Variants in ACOT8 observed in about 807,000 individuals in gnomAD.
The protein encoded by ACOT8 is acyl-CoA thioesterase 8, also known as acyl-coenzyme A thioesterase 8.
In ACOT8, 31 loss-of-function variants were observed where a neutral mutation model predicts 38.4. That is an observed-to-expected ratio of 0.81 (90% CI 0.61 to 1.09). The LOEUF is 1.09. Among genes scored for constraint, ACOT8 ranks in the 50% least tolerant of loss-of-function variants. ACOT8 has a pLI of 0.00. For synonymous variants in ACOT8, 158 were observed against 170.3 expected, an observed-to-expected ratio of 0.93 and a Z score of 0.56; for missense variants, 373 against 421.8, an observed-to-expected ratio of 0.88 and a Z score of 1.01.
At chr20:45,853,966 A>T in intron 2 of ACOT8, 1 of 1,304,432 alleles carries the variant, frequency 7.7e-7, no homozygotes, top group East Asian at 5.5e-5. Flanking sequence ...TCTACGCAGA[A>T]CACATGAGGG....
At chr20:45,844,037 G>T in intron 4 of ACOT8, 1 of 785,900 alleles carries the variant, frequency 1.3e-6, no homozygotes, top group Non-Finnish European at 2.1e-6. Flanking sequence ...CCAGCGAGGT[G>T]CCTTTTGCCT....
intron 1 of ACOT8, among the ~76,000 whole-genome samples, chr20:45,856,201 T>A (rs1033733492): frequency 2.0e-5 from 3 of 152,142 alleles, no homozygotes; most frequent in African/African-American, 7.2e-5. Flanking sequence ...GAGGTCGAGG[T>A]TGCAGTGAGC....
intron 3 of ACOT8, among the ~76,000 whole-genome samples, chr20:45,846,441 C>T (rs1984689956): frequency 6.6e-6 from 1 of 152,132 alleles, no homozygotes; most frequent in Non-Finnish European, 1.5e-5. Flanking sequence ...TGAGTACTGG[C>T]TCAGAGTGGG....
rs753668905 is a variant in ACOT8 at position 45,841,825 on chromosome 20, C to T, written c.*13G>A. 5.0e-6 allele frequency: 8 copies of T among 1,591,826 alleles called. No individual in the cohort carries two copies. In the South Asian group the frequency reaches 9.0e-5, roughly 18 times the overall value. On this transcript the variant is annotated 3_prime_UTR_variant, in exon 6 of 6. Transcript: ENST00000217455. ...GAGGTTCTTGAAGCCCCAGGCGAAG[C>T]TGGTACCTCTGGCTACAGCTTGCTC...
intron 5 of ACOT8, 138 bp from the exon 6 acceptor site, chr20:45,842,094 G>A (rs375828877): frequency 2.0e-5 from 31 of 1,536,502 alleles, no homozygotes; most frequent in Middle Eastern, 2.0e-4. Flanking sequence ...TCCCGCCTCA[G>A]CCTCCTGAGC....
intron 2 of ACOT8, 155 bp from the exon 3 acceptor site, chr20:45,848,830 G>C (rs1369840588): frequency 6.8e-6 from 4 of 587,446 alleles, no homozygotes; most frequent in Non-Finnish European, 1.1e-5. Flanking sequence ...GAGACCACCA[G>C]GCCCTGTCAT....
Position 45,857,268 on chromosome 20 carries a change from G to T in ACOT8, c.48C>A (p.Arg16=), listed in dbSNP as rs757794016. 1 of 1,612,912 alleles carries T rather than the reference G, an allele frequency of 6.2e-7. No individual in the cohort carries two copies. Among genetic ancestry groups the T allele is most frequent in the South Asian group, 1.1e-5 (1 of 90,910 alleles). The change falls in exon 1 of 6, where the codon CGC becomes CGA. Residue 16 remains arginine (R), a synonymous_variant. Transcript: ENST00000217455. ...TACGGAGGTCCCCAGGGGGATCGCC[G>T]CGGTCGCCACAGCCCTGCCCATCTT... is the stretch of plus-strand genomic sequence containing the variant. ...APEDGQGCGD[R]GDPPGDLRSV...
rs1985520822 is a variant in ACOT8, at chr20:45,857,264, C to G, written c.52G>C (p.Asp18His). Residue 18 changes from aspartate to histidine, a missense_variant, in exon 1 of 6, where the codon GAT (aspartate) becomes CAT (histidine). Asp to His is a moderately conservative substitution (Grantham distance 81, BLOSUM62 -1). Transcript: ENST00000217455. ...ACGCTACGGAGGTCCCCAGGGGGATCGCCGCGGTCGCCACAGCCCTGCCCA... is the reference window on the plus strand; with the variant it reads ...ACGCTACGGAGGTCCCCAGGGGGATGGCCGCGGTCGCCACAGCCCTGCCCA... ...EDGQGCGDRG[D>H]PPGDLRSVLV... 2 of 1,613,042 alleles carry G rather than the reference C, an allele frequency of 1.2e-6. No individual in the cohort carries two copies. Among genetic ancestry groups the G allele is most frequent in the South Asian group, 2.2e-5 (2 of 90,970 alleles).
At chr20:45,846,563 A>G (rs1255969000) in intron 3 of ACOT8, among the ~76,000 whole-genome samples, 1 of 152,160 alleles carries the variant, frequency 6.6e-6, no homozygotes, top group African/African-American at 2.4e-5. Flanking sequence ...CTGCCTCCCC[A>G]GTATCTAACA....
At chr20:45,847,118 G>A (rs1007296325) in intron 3 of ACOT8, among the ~76,000 whole-genome samples, 2 of 152,114 alleles carry the variant, frequency 1.3e-5, no homozygotes, top group Non-Finnish European at 1.5e-5. Flanking sequence ...GCTGAGGCAC[G>A]GGAATTGCTT....
Position 45,848,655 on chromosome 20 carries a change from G to A in ACOT8, c.283C>T (p.Leu95=), listed in dbSNP as rs1984858571. The A allele has an allele frequency of 6.2e-7, 1 of 1,609,530 alleles. No homozygotes were observed. Among genetic ancestry groups the A allele is most frequent in the African/African-American group, 1.3e-5 (1 of 74,766 alleles). Residue 95 remains leucine (L), a synonymous_variant, in exon 3 of 6, where the codon CTG becomes TTG. Coordinates refer to ENST00000217455, the MANE Select transcript of ACOT8 (RefSeq NM_005469.4). ...VRAGDPKLPV[L]YQVERTRTGS... ...GTTCGTGTCCGCTCCACTTGGTACA[G>A]TACTGGCAGCTTCGGGTCCCCTGCA...
chr20:45,857,223 C>T lies in ACOT8; in HGVS notation c.93G>A (p.Val31=), dbSNP rs140043374. The T allele has an allele frequency of 1.9e-6, 3 of 1,613,520 alleles. No individual in the cohort carries two copies. The highest frequency in any genetic ancestry group is 2.5e-6 in the Non-Finnish European group (3 of 1,179,956). ...GDLRSVLVTT[V]LNLEPLDEDL... is the part of the protein sequence containing the mutation. ...CCTCGTCCAGCGGCTCGAGGTTGAG[C>T]ACGGTCGTGACCAAGACGCTACGGA... is the stretch of plus-strand genomic sequence containing the variant. The change falls in exon 1 of 6, where the codon GTG becomes GTA. Residue 31 remains valine, a synonymous_variant. Transcript: ENST00000217455.
chr20:45,848,743 C>G, intron 2 of ACOT8, 68 bp from the exon 3 acceptor site: 1 of 1,320,628 alleles, frequency 7.6e-7, no homozygotes, highest in Non-Finnish European at 1.0e-6. Context: ...GACAGGCACT[C>G]TACTACTCAT....
At chr20:45,851,957 C>A (rs989425951) in intron 2 of ACOT8, among the ~76,000 whole-genome samples, 1 of 152,044 alleles carries the variant, frequency 6.6e-6, no homozygotes, top group African/African-American at 2.4e-5. Context: ...CCCATAACAT[C>A]TTTTATTTTT....
At chr20:45,846,130 G>GCGCC (rs934267106) in intron 3 of ACOT8, among the ~76,000 whole-genome samples, 27 of 152,192 alleles carry the variant, frequency 1.8e-4, no homozygotes, top group African/African-American at 6.5e-4. Flanking sequence ...ATGAACCACT[G>GCGCC]CGCCCGGACC....
chr20:45,841,756 C>T lies in ACOT8; in HGVS notation c.*82G>A. ...TCAGTCTCTTTATTGGATGTGAGGG[C>T]CAAAAGGGACTGTAACTCCTGTCTC... On this transcript the variant is annotated 3_prime_UTR_variant, in exon 6 of 6. Transcript: ENST00000217455. 24 of 1,470,026 alleles carry T rather than the reference C, an allele frequency of 1.6e-5. No individual in the cohort carries two copies. Among genetic ancestry groups the T allele is most frequent in the Non-Finnish European group, 2.1e-5 (24 of 1,118,252 alleles). The allele number at this position is 1,470,026 out of a possible 1,614,324, so 91.1% of individuals were successfully genotyped here.
rs764161018 is a variant in ACOT8 at position 45,857,334 on chromosome 20, C to A, written c.-19G>T. ...ACGACATCTAGTTCAATGCTGCAGG[C>A]CCTGCACACCCGCTCCGCGGAAGAC... On this transcript the variant is annotated 5_prime_UTR_variant, in exon 1 of 6. Transcript: ENST00000217455. 1.3e-6 allele frequency: 2 copies of A among 1,583,234 alleles called. No individual in the cohort carries two copies. Among genetic ancestry groups the A allele is most frequent in the Admixed American group, 1.8e-5 (1 of 54,828 alleles).
At chr20:45,853,335 G>A (rs1985183788) in intron 2 of ACOT8, 1 of 152,264 alleles carries the variant, frequency 6.6e-6, no homozygotes, top group Non-Finnish European at 1.5e-5. Flanking sequence ...TCAGGTCCCA[G>A]TTTCCTTAGG....
chr20:45,856,026 A>C (rs1297299264), intron 1 of ACOT8, among the ~76,000 whole-genome samples: 1 of 152,096 alleles, frequency 6.6e-6, no homozygotes, highest in Non-Finnish European at 1.5e-5. Context: ...CACTTTGGGA[A>C]GCCGAGGTGG....
Sources: allele counts gnomAD v4.1 joint callset (sites outside exome capture counted in the v4.1 genomes callset), GRCh38; gene constraint gnomAD v4.1.1; transcripts MANE v1.5; gene names NCBI Gene and HGNC (gene_info 2026-07-23, HGNC 2026-07-21).